The following SNX29 variants were observed in gnomAD, a reference collection of about 807,000 sequenced individuals.
SNX29 encodes sorting nexin-29.
A neutral mutation model predicts 102.1 loss-of-function variants in SNX29; 78 were observed. The observed-to-expected ratio is 0.76, with a 90% CI of 0.64 to 0.92. The LOEUF is 0.92. Ranked by LOEUF, SNX29 falls within the 40% of genes least tolerant of loss-of-function variation. The probability of loss-of-function intolerance (pLI) is 0.00; values close to 1 mark genes in which losing one functional copy is unlikely to be tolerated. For missense variants in SNX29, 1,280 were observed against 1,061.7 expected, an observed-to-expected ratio of 1.21 and a Z score of -2.86; for synonymous variants, 580 against 414.5, an observed-to-expected ratio of 1.40 and a Z score of -4.85.
At chr16:12,293,848 C>T (rs894922772) in intron 15 of SNX29, among the ~76,000 whole-genome samples, 1 of 152,208 alleles carries the variant, frequency 6.6e-6, no homozygotes, top group Admixed American at 6.5e-5. Flanking sequence ...GGCAAGCTTG[C>T]ATTCATTCAG....
At chr16:12,320,838 A>T (rs551432292) in intron 15 of SNX29, among the ~76,000 whole-genome samples, 1 of 152,204 alleles carries the variant, frequency 6.6e-6, no homozygotes. Flanking sequence ...TGAAAAGGCA[A>T]TTGGGAGTTT....
chr16:12,284,603 C>T lies in SNX29; in HGVS notation c.1782+6567C>T, dbSNP rs181786462. Reference sequence around the variant, plus strand: ...AAGAATGCAGCAATGCTTGGGAGGCCGTTTATTCAATAGCAATTAACAGTA... The same window carrying T: ...AAGAATGCAGCAATGCTTGGGAGGCTGTTTATTCAATAGCAATTAACAGTA... On this transcript the variant is annotated intron_variant, in intron 15 of 20. Transcript: ENST00000566228. Among the ~76,000 whole-genome samples the T allele has an allele frequency of 2.3e-3, 356 of 152,260 alleles. 1 individual carries two copies. Among genetic ancestry groups the T allele is most frequent in the Middle Eastern group, 3.4e-3 (1 of 294 alleles).
At chr16:12,347,893 C>G (rs965464581) in intron 15 of SNX29, among the ~76,000 whole-genome samples, 2 of 141,466 alleles carry the variant, frequency 1.4e-5, no homozygotes, top group African/African-American at 5.4e-5. Flanking sequence ...GCCTGAGAAA[C>G]GTAGCCATAT....
At chr16:12,464,850 A>G (rs1212776072) in intron 18 of SNX29, among the ~76,000 whole-genome samples, 1 of 152,096 alleles carries the variant, frequency 6.6e-6, no homozygotes, top group African/African-American at 2.4e-5. Context: ...ACTATTTTCT[A>G]TGATTTACTT....
Position 12,278,040 on chromosome 16 carries a change from A to G in SNX29, c.1782+4A>G. 6.3e-7 allele frequency: 1 copy of G among 1,590,070 alleles called. No homozygotes were observed. The highest frequency in any genetic ancestry group is 8.6e-7 in the Non-Finnish European group (1 of 1,167,964). ...CTACGAAAGAAAGCTCATCGAGGTA[A>G]GGCCGGTGGAGTCTGTGTGTCTTTG... On this transcript the variant is annotated splice_donor_region_variant and intron_variant, in intron 15 of 20. Transcript: ENST00000566228.
Position 12,052,134 on chromosome 16 carries a change from G to C in SNX29, c.1036G>C (p.Asp346His). The change falls in exon 8 of 21, where the codon GAT (aspartate) becomes CAT (histidine). Residue 346 changes from aspartate to histidine, a missense_variant. By Grantham distance (81) the Asp-to-His change is moderately conservative (BLOSUM62 -1). Transcript: ENST00000566228. ...CCAGAAGCTTGATGTGAAAAGCATC[G>C]ATGATGAAGATGTGGATGAAAACGA... ...GYQKLDVKSI[D>H]DEDVDENEDD... is the part of the protein sequence containing the mutation. 1.2e-6 allele frequency: 2 copies of C among 1,613,896 alleles called. No individual in the cohort carries two copies. The highest frequency in any genetic ancestry group is 1.7e-6 in the Non-Finnish European group (2 of 1,179,848).
At chr16:12,259,327 C>T (rs1196447142) in intron 14 of SNX29, among the ~76,000 whole-genome samples, 1 of 152,156 alleles carries the variant, frequency 6.6e-6, no homozygotes, top group Non-Finnish European at 1.5e-5. Context: ...CTCGTTCTAC[C>T]CCGTCTTTGA....
At chr16:12,542,264 T>C (rs560784070) in intron 20 of SNX29, among the ~76,000 whole-genome samples, 100 of 118,504 alleles carry the variant, frequency 8.4e-4, no homozygotes, top group African/African-American at 2.6e-3. Flanking sequence ...ATGAGGAAAT[T>C]GAGGCATGGA....
At chr16:12,023,532 C>A (rs2057092730) in intron 3 of SNX29, among the ~76,000 whole-genome samples, 1 of 148,756 alleles carries the variant, frequency 6.7e-6, no homozygotes, top group African/African-American at 2.5e-5. Context: ...GAGCTATGAT[C>A]ACACCACCGC....
chr16:12,275,908 G>T (rs916949050), intron 14 of SNX29, among the ~76,000 whole-genome samples: 1 of 145,102 alleles, frequency 6.9e-6, no homozygotes, highest in South Asian at 2.2e-4. Flanking sequence ...TTTTTGGGGG[G>T]CGTGGTCAGA....
At chr16:12,014,461 G>A (rs957572631) in intron 3 of SNX29, among the ~76,000 whole-genome samples, 1 of 151,836 alleles carries the variant, frequency 6.6e-6, no homozygotes, top group African/African-American at 2.4e-5. Flanking sequence ...AGCCGGGCGC[G>A]GTGGCTCATG....
intron 20 of SNX29, among the ~76,000 whole-genome samples, chr16:12,543,447 A>G (rs2077436361): frequency 6.6e-6 from 1 of 152,358 alleles, no homozygotes; most frequent in South Asian, 2.1e-4. Context: ...ACATATGTTC[A>G]TGCTGCGGGG....
chr16:12,225,606 C>T (rs1461914618), intron 14 of SNX29, among the ~76,000 whole-genome samples: 1 of 152,162 alleles, frequency 6.6e-6, no homozygotes, highest in Non-Finnish European at 1.5e-5. Flanking sequence ...GTTGCCCAGT[C>T]TTGGGTATGT....
At chr16:12,299,027 C>T (rs1309958577) in intron 15 of SNX29, among the ~76,000 whole-genome samples, 5 of 150,856 alleles carry the variant, frequency 3.3e-5, no homozygotes, top group African/African-American at 4.9e-5. Context: ...GGGCTGGGCA[C>T]GGTGGCTCAT....
chr16:12,007,257 C>T (rs559116469), intron 3 of SNX29, among the ~76,000 whole-genome samples: 1 of 152,168 alleles, frequency 6.6e-6, no homozygotes, highest in African/African-American at 2.4e-5. Context: ...ATAATCCCAG[C>T]CTTTTGGGAG....
chr16:12,165,124 G>A (rs1327412528), intron 13 of SNX29, among the ~76,000 whole-genome samples: 1 of 152,202 alleles, frequency 6.6e-6, no homozygotes, highest in Non-Finnish European at 1.5e-5. Flanking sequence ...AACTTTTGGA[G>A]ACATACTGGC....
At chr16:12,214,660 T>G (rs1239620785) in intron 14 of SNX29, among the ~76,000 whole-genome samples, 2 of 152,106 alleles carry the variant, frequency 1.3e-5, no homozygotes, top group South Asian at 4.2e-4. Context: ...TTCACTGGTT[T>G]ATGGCTTCAC....
chr16:12,282,285 A>G (rs921288736), intron 15 of SNX29, among the ~76,000 whole-genome samples: 2 of 152,262 alleles, frequency 1.3e-5, no homozygotes, highest in South Asian at 2.1e-4. Context: ...CTAGTAGTAG[A>G]TAACAGCAAC....
chr16:12,565,947 C>A (rs893470227), intron 20 of SNX29, among the ~76,000 whole-genome samples: 6 of 152,160 alleles, frequency 3.9e-5, no homozygotes, highest in Admixed American at 1.3e-4. Flanking sequence ...TCTGCCCTCC[C>A]CATCCTCAAT....
Sources: gnomAD v4.1 joint callset for allele counts (sites outside exome capture counted in the v4.1 genomes callset) on GRCh38, gnomAD v4.1.1 for gene constraint, MANE v1.5 for transcripts, NCBI Gene and HGNC (gene_info 2026-07-23, HGNC 2026-07-21) for gene names.